Variants in TSHR observed in about 807,000 individuals in gnomAD.
TSHR encodes the protein thyroid stimulating hormone receptor.
A neutral mutation model predicts 64.1 loss-of-function variants in TSHR; 51 were observed. That is an observed-to-expected ratio of 0.80 (90% CI 0.64 to 1.01). The LOEUF (loss-of-function observed/expected upper bound fraction) is 1.01, where lower values mean the gene tolerates loss of function less well. Ranked by LOEUF, TSHR falls within the 50% of genes least tolerant of loss-of-function variation. TSHR has a pLI of 0.00. For synonymous variants in TSHR, 361 were observed against 361.9 expected, an observed-to-expected ratio of 1.00 and a Z score of 0.03; for missense variants, 877 against 942.8, an observed-to-expected ratio of 0.93 and a Z score of 0.91.
In TSHR at chr14:81,069,401, A is replaced by T. The variant is rs78346575; in HGVS notation, c.317+1073A>T. 9.7e-3 allele frequency among the ~76,000 whole-genome samples: 1,480 copies of T among 152,320 alleles called. 27 individuals are homozygous for T. Among genetic ancestry groups the T allele is most frequent in the African/African-American group, 0.033 (1,387 of 41,564 alleles). On this transcript the variant is annotated intron_variant, in intron 3 of 9. Coordinates refer to ENST00000298171, the MANE Select transcript of TSHR (RefSeq NM_000369.5). ...AGTATGGTAGGCTACCTTACATCAG[A>T]TCAACTATTGGTCTGAGAATAACTT... is the stretch of plus-strand genomic sequence containing the variant.
chr14:81,061,926 A>G (rs1245748506), intron 1 of TSHR, among the ~76,000 whole-genome samples: 2 of 152,160 alleles, frequency 1.3e-5, no homozygotes, highest in African/African-American at 2.4e-5. Context: ...AAGTCTGATG[A>G]TTTACTTTCT....
intron 1 of TSHR, among the ~76,000 whole-genome samples, chr14:80,979,445 T>A (rs1292082904): frequency 1.3e-5 from 2 of 152,214 alleles, no homozygotes; most frequent in Non-Finnish European, 1.5e-5. Context: ...TAAATTCTGA[T>A]GTTCTATTGC....
chr14:81,099,226 C>T (rs987371576), intron 7 of TSHR, among the ~76,000 whole-genome samples: 3 of 151,570 alleles, frequency 2.0e-5, no homozygotes, highest in Non-Finnish European at 4.4e-5. Flanking sequence ...CCAATTGTCA[C>T]GTTTTACATA....
At chr14:81,102,258 G>T (rs540711723) in intron 7 of TSHR, among the ~76,000 whole-genome samples, 189 of 151,990 alleles carry the variant, frequency 1.2e-3, no homozygotes, top group African/African-American at 4.5e-3. Context: ...CTCTCCGTAC[G>T]TTCACACCAG....
Position 81,142,806 on chromosome 14 carries a change from C to A in TSHR, c.882-134C>A, listed in dbSNP as rs1477945096. The stretch of plus-strand genomic sequence containing the variant: ...TGCATTTTTTATAGAGATGGGATTT[C>A]ACCATGTTGCCCAGGCTGGTCTCAA... On this transcript the variant is annotated intron_variant, in intron 9 of 9. Transcript: ENST00000298171. 6.5e-6 allele frequency: 5 copies of A among 768,514 alleles called. No homozygotes were observed. The East Asian group carries it at 1.0e-4, about 15-fold the overall frequency. The allele number at this position is 768,514 out of a possible 1,614,324, so 47.6% of individuals were successfully genotyped here.
Position 81,016,181 on chromosome 14 carries a change from G to A in TSHR, c.171-45967G>A, listed in dbSNP as rs117768290. On this transcript the variant is annotated intron_variant, in intron 1 of 9. Coordinates refer to ENST00000298171, the MANE Select transcript of TSHR (RefSeq NM_000369.5). ...AATCATATGGTGGCTCTATTTTTAAGTTTTTCAGGGGCTTCCATGCTGCTT... is the reference window on the plus strand; with the variant it reads ...AATCATATGGTGGCTCTATTTTTAAATTTTTCAGGGGCTTCCATGCTGCTT... Among the ~76,000 whole-genome samples, 1,225 of 152,230 alleles carry A rather than the reference G, an allele frequency of 8.0e-3. 11 individuals carry two copies. Among genetic ancestry groups the A allele is most frequent in the Non-Finnish European group, 0.011 (716 of 68,000 alleles).
intron 1 of TSHR, among the ~76,000 whole-genome samples, chr14:81,061,924 T>C (rs1182503792): frequency 1.3e-5 from 2 of 152,198 alleles, no homozygotes; most frequent in African/African-American, 4.8e-5. Context: ...TGAAGTCTGA[T>C]GATTTACTTT....
At chr14:81,029,256 G>GT (rs922673578) in intron 1 of TSHR, among the ~76,000 whole-genome samples, 29 of 151,542 alleles carry the variant, frequency 1.9e-4, no homozygotes, top group South Asian at 8.3e-4. Context: ...AATCTTCAGG[G>GT]TTTTTTTTAA....
chr14:80,986,082 T>G lies in TSHR; in HGVS notation c.170+30232T>G, dbSNP rs552475032. Among the ~76,000 whole-genome samples, 12 of 152,328 alleles carry G rather than the reference T, an allele frequency of 7.9e-5. No homozygotes were observed. In the South Asian group the frequency reaches 2.5e-3, roughly 32 times the overall value. On this transcript the variant is annotated intron_variant, in intron 1 of 9. Transcript: ENST00000298171. Reference sequence around the variant, plus strand: ...AGCTTGTTACTCTGTTTTCAGTTCTTTCATAATATCTGGGGAGTTCCTGGA... The same window carrying G: ...AGCTTGTTACTCTGTTTTCAGTTCTGTCATAATATCTGGGGAGTTCCTGGA...
chr14:81,134,795 TA>T (rs376102149), intron 8 of TSHR, among the ~76,000 whole-genome samples: 7 of 152,208 alleles, frequency 4.6e-5, no homozygotes, highest in African/African-American at 1.4e-4. Flanking sequence ...CCATAAACAA[TA>T]CAAGAAAATT....
chr14:81,142,410 T>C (rs1442909101), intron 9 of TSHR, among the ~76,000 whole-genome samples: 1 of 151,546 alleles, frequency 6.6e-6, no homozygotes, highest in Non-Finnish European at 1.5e-5. Flanking sequence ...TTAATCACTG[T>C]TCTTGAAGTG....
intron 1 of TSHR, among the ~76,000 whole-genome samples, chr14:81,015,187 G>T (rs1308497392): frequency 1.3e-5 from 2 of 152,104 alleles, no homozygotes; most frequent in African/African-American, 4.8e-5. Flanking sequence ...CTCTAAATAA[G>T]CATTGAGTTT....
intron 7 of TSHR, 122 bp downstream of exon 7, chr14:81,096,829 C>G (rs777349541): frequency 2.6e-4 from 286 of 1,120,772 alleles, no homozygotes; most frequent in Non-Finnish European, 3.5e-4. Flanking sequence ...GTTAGTGTGA[C>G]CAACATGGAA....
chr14:81,135,788 T>C (rs1891431330), intron 8 of TSHR, among the ~76,000 whole-genome samples: 1 of 152,160 alleles, frequency 6.6e-6, no homozygotes, highest in Non-Finnish European at 1.5e-5. Flanking sequence ...GCTAGATCCA[T>C]AGAGAAGTAC....
chr14:80,996,447 A>G (rs1232407933), intron 1 of TSHR, among the ~76,000 whole-genome samples: 1 of 152,142 alleles, frequency 6.6e-6, no homozygotes, highest in Non-Finnish European at 1.5e-5. Flanking sequence ...GTTTATTGCA[A>G]AATTTTCTGA....
intron 8 of TSHR, among the ~76,000 whole-genome samples, chr14:81,114,850 C>A (rs900116653): frequency 6.6e-6 from 1 of 152,196 alleles, no homozygotes; most frequent in African/African-American, 2.4e-5. Flanking sequence ...GGCAGACTGC[C>A]TCCTCAAGTG....
intron 7 of TSHR, among the ~76,000 whole-genome samples, chr14:81,106,246 GATGCCTCAAAA>G (rs1228909126): frequency 6.6e-6 from 1 of 152,170 alleles, no homozygotes; most frequent in Non-Finnish European, 1.5e-5. Flanking sequence ...TTGTAAACCA[GATGCCTCAAAA>G]ATCACTACCT....
At chr14:80,973,402 T>G (rs1887685221) in intron 1 of TSHR, among the ~76,000 whole-genome samples, 1 of 5,396 alleles carries the variant, frequency 1.9e-4, no homozygotes, top group Admixed American at 3.2e-3. Flanking sequence ...AGACGCTGTC[T>G]CAAAAAAAAA....
At chr14:81,069,205 T>C (rs1250477531) in intron 3 of TSHR, among the ~76,000 whole-genome samples, 1 of 151,718 alleles carries the variant, frequency 6.6e-6, no homozygotes, top group Non-Finnish European at 1.5e-5. Flanking sequence ...TTCCATTATT[T>C]ATATAAGAAA....
Sources: allele counts gnomAD v4.1 joint callset (sites outside exome capture counted in the v4.1 genomes callset), GRCh38; gene constraint gnomAD v4.1.1; transcripts MANE v1.5; gene names NCBI Gene and HGNC (gene_info 2026-07-23, HGNC 2026-07-21).